Variants in AGPAT4 observed in about 807,000 individuals in gnomAD.
AGPAT4 encodes 1-acyl-sn-glycerol-3-phosphate acyltransferase delta.
AGPAT4 carries 15 observed loss-of-function variants against 48.0 expected under a neutral mutation model. That is an observed-to-expected ratio of 0.31 (90% CI 0.21 to 0.48). The LOEUF is 0.48. AGPAT4 is among the 20% of genes least tolerant of loss of function. AGPAT4 has a pLI of 0.99. For synonymous variants in AGPAT4, 178 were observed against 198.7 expected (o/e 0.90, Z 0.88); for missense variants, 314 against 482.5 (o/e 0.65, Z 3.27).
At chr6:161,145,533 G>A (rs1198575156) in intron 7 of AGPAT4, among the ~76,000 whole-genome samples, 7 of 151,632 alleles carry the variant, frequency 4.6e-5, no homozygotes, top group African/African-American at 1.7e-4. Context: ...GTGATGGCAA[G>A]TCTTTTGGAC....
intron 1 of AGPAT4, among the ~76,000 whole-genome samples, chr6:161,273,725 T>C (rs964006847): frequency 6.6e-6 from 1 of 151,968 alleles, no homozygotes; most frequent in Admixed American, 6.6e-5. Context: ...AGGGTCCTTT[T>C]GTACCAGCAG....
At position 161,141,958 on chromosome 6, in the gene AGPAT4, G is replaced by A. The variant is rs145935365; in HGVS notation, c.844-2338C>T. On this transcript the variant is annotated intron_variant, in intron 7 of 8. Transcript: ENST00000320285. This position sits in a 1 kb window ranked among gnomAD's most constrained non-coding sequence, Gnocchi z 6.7. ...TCTCACTGCAACCTCCGCCTCCCGG[G>A]TTCAAGCAATTTTCCCACCTCAGCC... Among the ~76,000 whole-genome samples the A allele has an allele frequency of 0.015, 2,327 of 152,266 alleles. 46 individuals carry two copies. Among genetic ancestry groups the A allele is most frequent in the African/African-American group, 0.038 (1,577 of 41,550 alleles).
chr6:161,260,588 G>A (rs192467135), intron 1 of AGPAT4, among the ~76,000 whole-genome samples: 17 of 149,738 alleles, frequency 1.1e-4, no homozygotes, highest in Admixed American at 2.0e-4. Context: ...CCTGGGAGGC[G>A]GAGGTTGCAG....
At position 161,244,873 on chromosome 6, in the gene AGPAT4, G is replaced by A. The variant is rs1782607390; in HGVS notation, c.-89-12571C>T. On this transcript the variant is annotated intron_variant, in intron 1 of 8. Coordinates refer to ENST00000320285, the MANE Select transcript of AGPAT4 (RefSeq NM_020133.3). This position sits in a 1 kb window ranked among gnomAD's most constrained non-coding sequence, Gnocchi z 4.7. ...TGAAGGTCACCAACCACAGACAGAT[G>A]GGCCAAAACCCCAGGCCTGGGGAGT... 6.6e-6 allele frequency among the ~76,000 whole-genome samples: 1 copy of A among 152,160 alleles called. No individual in the cohort carries two copies. Among genetic ancestry groups the A allele is most frequent in the South Asian group, 2.1e-4 (1 of 4,826 alleles).
chr6:161,219,322 A>T lies in AGPAT4; in HGVS notation c.178+12714T>A, dbSNP rs532333555. On this transcript the variant is annotated intron_variant, in intron 2 of 8. Coordinates refer to ENST00000320285, the MANE Select transcript of AGPAT4 (RefSeq NM_020133.3). This position sits in a 1 kb window ranked among gnomAD's most constrained non-coding sequence, Gnocchi z 4.9. ...GTAAAATTTGTATTTTATATAATTTAAAAAATATATAAAATGTCCTATCCA... is the reference window on the plus strand; with the variant it reads ...GTAAAATTTGTATTTTATATAATTTTAAAAATATATAAAATGTCCTATCCA... 1.4e-4 allele frequency among the ~76,000 whole-genome samples: 21 copies of T among 152,158 alleles called. No homozygotes were observed. In the South Asian group the frequency reaches 3.3e-3, roughly 24 times the overall value.
chr6:161,131,068 C>T lies in AGPAT4; in HGVS notation c.*5472G>A. The stretch of plus-strand genomic sequence containing the variant: ...ACTTTGTGTACATACCACTCACCTC[C>T]CTTAAAATTCAGCAGAACCAGAGGT... On this transcript the variant is annotated 3_prime_UTR_variant, in exon 9 of 9. Coordinates refer to ENST00000320285, the MANE Select transcript of AGPAT4 (RefSeq NM_020133.3). 3.4e-6 allele frequency: 1 copy of T among 290,154 alleles called. No individual in the cohort carries two copies. Among genetic ancestry groups the T allele is most frequent in the Middle Eastern group, 9.4e-4 (1 of 1,062 alleles). 18.0% of individuals were successfully genotyped at this position (290,154 alleles called of 1,614,324 possible).
intron 1 of AGPAT4, among the ~76,000 whole-genome samples, chr6:161,253,386 C>G (rs1033903466): frequency 6.6e-6 from 1 of 150,680 alleles, no homozygotes; most frequent in Non-Finnish European, 1.5e-5. Context: ...TCCCGAGTAG[C>G]TGGGACTACA....
chr6:161,180,789 A>C lies in AGPAT4; in HGVS notation c.179-14372T>G, dbSNP rs1355136572. 6.6e-6 allele frequency among the ~76,000 whole-genome samples: 1 copy of C among 152,110 alleles called. No homozygotes were observed. The highest frequency in any genetic ancestry group is 1.9e-4 in the East Asian group (1 of 5,178). On this transcript the variant is annotated intron_variant, in intron 2 of 8. Transcript: ENST00000320285. This position sits in a 1 kb window ranked among gnomAD's most constrained non-coding sequence, Gnocchi z 6.4. ...GACAGGACGGTGCCTTCACACTCAC[A>C]ACACCCTCACCTGGAGGTCAGTCGT...
intron 1 of AGPAT4, among the ~76,000 whole-genome samples, chr6:161,237,066 G>A (rs141462531): frequency 1.5e-3 from 234 of 152,172 alleles, no homozygotes; most frequent in African/African-American, 5.0e-3. Flanking sequence ...AACCATATCC[G>A]GATACATTAT....
intron 2 of AGPAT4, among the ~76,000 whole-genome samples, chr6:161,174,838 TGA>T: frequency 6.6e-6 from 1 of 152,356 alleles, no homozygotes; most frequent in Admixed American, 6.5e-5. Flanking sequence ...CCTAGTTTAT[TGA>T]GAGTTTTTAG....
In AGPAT4 at chr6:161,198,109, C is replaced by T. The variant is rs1781120810; in HGVS notation, c.179-31692G>A. 6.6e-6 allele frequency among the ~76,000 whole-genome samples: 1 copy of T among 152,146 alleles called. No individual in the cohort carries two copies. Among genetic ancestry groups the T allele is most frequent in the African/African-American group, 2.4e-5 (1 of 41,430 alleles). The stretch of plus-strand genomic sequence containing the variant: ...CTTTACTGTTCCATAATAAAGAACA[C>T]ATGTCTATTGTACTAACTAATATGC... On this transcript the variant is annotated intron_variant, in intron 2 of 8. Coordinates refer to ENST00000320285, the MANE Select transcript of AGPAT4 (RefSeq NM_020133.3). The surrounding 1 kb of genome is among the most constrained non-coding windows in gnomAD (Gnocchi z 4.3).
At chr6:161,248,199 C>G (rs12190239) in intron 1 of AGPAT4, among the ~76,000 whole-genome samples, 17,171 of 151,942 alleles carry the variant, frequency 0.11, 1,279 homozygotes, top group Non-Finnish European at 0.17. Context: ...GAACAAAATT[C>G]AGTAGCATTC....
Position 161,149,393 on chromosome 6 carries a change from A to G in AGPAT4, c.665-104T>C. 1.0e-6 allele frequency: 1 copy of G among 956,784 alleles called. No individual in the cohort carries two copies. Among genetic ancestry groups the G allele is most frequent in the South Asian group, 1.9e-5 (1 of 53,612 alleles). The allele number at this position is 956,784 out of a possible 1,614,324, so 59.3% of individuals were successfully genotyped here. A position where few individuals can be genotyped will look rare whatever the true frequency, so the allele number is the denominator to read the frequency against. Reference sequence around the variant, plus strand: ...ACAATAATCAAATGGCTAACTGCTTATCTAGAAATGGTGTGGTCAGATTTC... The same window carrying G: ...ACAATAATCAAATGGCTAACTGCTTGTCTAGAAATGGTGTGGTCAGATTTC... On this transcript the variant is annotated intron_variant, in intron 5 of 8. Coordinates refer to ENST00000320285, the MANE Select transcript of AGPAT4 (RefSeq NM_020133.3). This position sits in a 1 kb window ranked among gnomAD's most constrained non-coding sequence, Gnocchi z 6.5.
chr6:161,224,590 C>T (rs1462427148), intron 2 of AGPAT4, among the ~76,000 whole-genome samples: 3 of 142,856 alleles, frequency 2.1e-5, no homozygotes, highest in Non-Finnish European at 4.5e-5. Context: ...TGCAGTGAAC[C>T]GAGATTGGCC....
chr6:161,177,808 G>T lies in AGPAT4; in HGVS notation c.179-11391C>A, dbSNP rs1161545316. 6.6e-6 allele frequency among the ~76,000 whole-genome samples: 1 copy of T among 152,126 alleles called. No homozygotes were observed. Among genetic ancestry groups the T allele is most frequent in the East Asian group, 1.9e-4 (1 of 5,188 alleles). On this transcript the variant is annotated intron_variant, in intron 2 of 8. Transcript: ENST00000320285. The surrounding 1 kb of genome is among the most constrained non-coding windows in gnomAD (Gnocchi z 5.0). The stretch of plus-strand genomic sequence containing the variant: ...TTATCTACCTTTGGTCTTTGATGAT[G>T]GTGACGTACAGATGGAGTTTTAGTG...
chr6:161,182,925 G>A (rs1780642095), intron 2 of AGPAT4, among the ~76,000 whole-genome samples: 1 of 152,170 alleles, frequency 6.6e-6, no homozygotes, highest in African/African-American at 2.4e-5. Context: ...CTCACAGGTG[G>A]AGCTTTCAGA....
At position 161,168,124 on chromosome 6, in the gene AGPAT4, T is replaced by TG. The variant is rs202066669; in HGVS notation, c.179-1708dup. Among the ~76,000 whole-genome samples, 147 of 111,540 alleles carry TG rather than the reference T, an allele frequency of 1.3e-3. 3 individuals carry two copies. Among genetic ancestry groups the TG allele is most frequent in the African/African-American group, 6.3e-3 (131 of 20,712 alleles). 73.2% of individuals were successfully genotyped at this position (111,540 alleles called of 152,430 possible). On this transcript the variant is annotated intron_variant, in intron 2 of 8. Coordinates refer to ENST00000320285, the MANE Select transcript of AGPAT4 (RefSeq NM_020133.3). Reference sequence around the variant, plus strand: ...GTTGGTTGTGGGGGCAGGAAGGCGGTGGTGGGGTGGGGGGCTAGGGTAACA... The same window carrying TG: ...GTTGGTTGTGGGGGCAGGAAGGCGGTGGGTGGGGTGGGGGGCTAGGGTAACA...
At position 161,189,372 on chromosome 6, in the gene AGPAT4, G is replaced by T. The variant is rs530435807; in HGVS notation, c.179-22955C>A. On this transcript the variant is annotated intron_variant, in intron 2 of 8. Coordinates refer to ENST00000320285, the MANE Select transcript of AGPAT4 (RefSeq NM_020133.3). The surrounding 1 kb of genome is among the most constrained non-coding windows in gnomAD (Gnocchi z 5.3). ...TGGGTGGGGTCCAGGGAAGGGGCAC[G>T]AACAGGATGGAGGAGCAGGGAAGAG... 2.3e-4 allele frequency among the ~76,000 whole-genome samples: 35 copies of T among 152,164 alleles called. No homozygotes were observed. The highest frequency in any genetic ancestry group is 4.6e-4 in the Non-Finnish European group (31 of 68,028).
rs747783088 is a variant in AGPAT4 at position 161,194,584 on chromosome 6, ATG to A, written c.179-28169_179-28168del. ...TGTGTGTATGTGTATGTGTGTATAT[ATG>A]TGTATGTATGTATGTGTGTCTATGT... On this transcript the variant is annotated intron_variant, in intron 2 of 8. Transcript: ENST00000320285. Among the ~76,000 whole-genome samples the A allele has an allele frequency of 1.7e-4, 24 of 144,756 alleles. 1 individual carries two copies. Among genetic ancestry groups the A allele is most frequent in the Non-Finnish European group, 3.1e-4 (21 of 67,734 alleles). The allele number at this position is 144,756 out of a possible 152,430, so 95.0% of individuals were successfully genotyped here.
Sources: gnomAD v4.1 joint callset for allele counts (sites outside exome capture counted in the v4.1 genomes callset) on GRCh38, gnomAD v4.1.1 for gene constraint, Gnocchi (gnomAD v3.1) non-coding constraint, MANE v1.5 for transcripts, NCBI Gene and HGNC (gene_info 2026-07-23, HGNC 2026-07-21) for gene names.